The following EXOC2 variants were observed in gnomAD, a reference collection of about 807,000 sequenced individuals.
The protein encoded by EXOC2 is SEC5-like 1.
A neutral mutation model predicts 131.8 loss-of-function variants in EXOC2; 70 were observed. That is an observed-to-expected ratio of 0.53 (90% CI 0.44 to 0.65). The LOEUF (loss-of-function observed/expected upper bound fraction) is 0.65. Ranked by LOEUF, EXOC2 falls within the 30% of genes least tolerant of loss-of-function variation. The pLI is 0.00. For missense variants in EXOC2, 923 were observed against 1,108.6 expected (o/e 0.83, Z 2.38); for synonymous variants, 411 against 398.4 (o/e 1.03, Z -0.38).
At chr6:643,127 CTGAT>C (rs911519360) in intron 1 of EXOC2, among the ~76,000 whole-genome samples, 6 of 152,112 alleles carry the variant, frequency 3.9e-5, no homozygotes, top group African/African-American at 9.7e-5. Flanking sequence ...TAAACAAAAA[CTGAT>C]TGATAGGGAG....
intron 23 of EXOC2, among the ~76,000 whole-genome samples, chr6:509,039 A>G (rs1764713412): frequency 6.6e-6 from 1 of 152,226 alleles, no homozygotes; most frequent in African/African-American, 2.4e-5. Flanking sequence ...AATGTGGAAC[A>G]TCTTTTCATA....
chr6:673,433 G>C (rs1204313374), intron 1 of EXOC2, among the ~76,000 whole-genome samples: 1 of 152,072 alleles, frequency 6.6e-6, no homozygotes, highest in Non-Finnish European at 1.5e-5. Context: ...GCAGTGTATA[G>C]TCATATATTT....
At chr6:611,966 T>G (rs1408881974) in intron 6 of EXOC2, among the ~76,000 whole-genome samples, 1 of 152,238 alleles carries the variant, frequency 6.6e-6, no homozygotes, top group Non-Finnish European at 1.5e-5. Flanking sequence ...ATATCAAATT[T>G]GCAATTACAA....
rs111990794 is a variant in EXOC2 at position 567,197 on chromosome 6, A to G, written c.1444-2268T>C. Reference sequence around the variant, plus strand: ...CATGGCCTGGGATGAAGCCACTGCCAGCTGGGCCTGTCCCTCCCAGCCCTC... The same window carrying G: ...CATGGCCTGGGATGAAGCCACTGCCGGCTGGGCCTGTCCCTCCCAGCCCTC... On this transcript the variant is annotated intron_variant, in intron 13 of 27. Coordinates refer to ENST00000230449, the MANE Select transcript of EXOC2 (RefSeq NM_018303.6). Among the ~76,000 whole-genome samples the G allele has an allele frequency of 6.1e-3, 922 of 152,334 alleles. 7 individuals carry two copies. The highest frequency in any genetic ancestry group is 0.021 in the African/African-American group (893 of 41,578).
chr6:549,850 C>G (rs1368582909), intron 21 of EXOC2, among the ~76,000 whole-genome samples: 1 of 152,198 alleles, frequency 6.6e-6, no homozygotes, highest in East Asian at 1.9e-4. Flanking sequence ...TAATCTCCCT[C>G]TAATGGGGAG....
chr6:574,928 G>A (rs1015688383), intron 12 of EXOC2, among the ~76,000 whole-genome samples: 1 of 152,230 alleles, frequency 6.6e-6, no homozygotes, highest in African/African-American at 2.4e-5. Context: ...CGTGCCACAG[G>A]GCGAGGCCAT....
At chr6:586,258 G>A (rs1334548553) in intron 11 of EXOC2, among the ~76,000 whole-genome samples, 3 of 152,160 alleles carry the variant, frequency 2.0e-5, no homozygotes, top group East Asian at 1.9e-4. Flanking sequence ...GGTGGCATCC[G>A]CTGCAGGCTG....
chr6:564,180 A>G, intron 15 of EXOC2, 26 bp from the exon 16 acceptor site: 5 of 1,610,152 alleles, frequency 3.1e-6, no homozygotes, highest in Non-Finnish European at 4.2e-6. Context: ...TCCAAACAGA[A>G]GTGAGCAGAG....
chr6:488,724 A>G (rs1202644777), intron 27 of EXOC2, among the ~76,000 whole-genome samples: 5 of 152,162 alleles, frequency 3.3e-5, no homozygotes, highest in African/African-American at 1.2e-4. Flanking sequence ...GTCACTTGAA[A>G]CGAGAGCCAA....
intron 1 of EXOC2, among the ~76,000 whole-genome samples, chr6:657,663 T>C (rs1259531433): frequency 6.6e-6 from 1 of 151,390 alleles, no homozygotes; most frequent in Non-Finnish European, 1.5e-5. Context: ...AAAATCCTAA[T>C]AAATATTCTC....
chr6:656,647 G>A (rs139552685), intron 1 of EXOC2: 3 of 1,607,200 alleles, frequency 1.9e-6, no homozygotes, highest in Non-Finnish European at 2.5e-6. Flanking sequence ...TGCAGCTTCA[G>A]GGAGGACGCG....
chr6:523,029 G>C (rs998840546), intron 23 of EXOC2, among the ~76,000 whole-genome samples: 21 of 152,226 alleles, frequency 1.4e-4, no homozygotes, highest in Non-Finnish European at 2.1e-4. Context: ...GAATATTTCA[G>C]CAGGATTTGA....
chr6:492,595 C>A (rs776577060), intron 25 of EXOC2, among the ~76,000 whole-genome samples: 1 of 152,156 alleles, frequency 6.6e-6, no homozygotes, highest in African/African-American at 2.4e-5. Flanking sequence ...TGGCATATGT[C>A]ACAACATGGA....
chr6:634,381 G>A (rs765633226), intron 2 of EXOC2, among the ~76,000 whole-genome samples: 5 of 152,000 alleles, frequency 3.3e-5, no homozygotes, highest in Non-Finnish European at 5.9e-5. Flanking sequence ...CACCATGCCC[G>A]GCAGACACTT....
At chr6:532,167 T>C (rs1766126608) in intron 23 of EXOC2, among the ~76,000 whole-genome samples, 1 of 152,262 alleles carries the variant, frequency 6.6e-6, no homozygotes, top group Non-Finnish European at 1.5e-5. Context: ...ACAATCACTC[T>C]ATTGTATCTA....
chr6:550,501 AG>A (rs1336777465), intron 21 of EXOC2, among the ~76,000 whole-genome samples: 1 of 152,210 alleles, frequency 6.6e-6, no homozygotes, highest in Non-Finnish European at 1.5e-5. Flanking sequence ...TAAAAGGCCT[AG>A]GGAGTATTAA....
At chr6:617,861 T>C in intron 5 of EXOC2, 26 bp from the exon 6 acceptor site, 1 of 1,607,838 alleles carries the variant, frequency 6.2e-7, no homozygotes, top group East Asian at 2.2e-5. Flanking sequence ...GAAACCAAAG[T>C]TTGACACTTC....
chr6:556,352 G>C (rs1309103469), intron 18 of EXOC2, 132 bp downstream of exon 18: 1 of 917,222 alleles, frequency 1.1e-6, no homozygotes, highest in African/African-American at 1.7e-5. Flanking sequence ...GCACATCTAC[G>C]CAGTTAAACT....
chr6:577,058 T>C (rs1758625473), intron 11 of EXOC2, among the ~76,000 whole-genome samples, 176 bp from the exon 12 acceptor site: 1 of 152,206 alleles, frequency 6.6e-6, no homozygotes, highest in Admixed American at 6.5e-5. Context: ...TAAAAGTCAT[T>C]CTCAGTTCAG....
Sources: gnomAD v4.1 joint callset for allele counts (sites outside exome capture counted in the v4.1 genomes callset) on GRCh38, gnomAD v4.1.1 for gene constraint, MANE v1.5 for transcripts, NCBI Gene and HGNC (gene_info 2026-07-23, HGNC 2026-07-21) for gene names.